KCNJ15: variants seen among roughly 807,000 people sequenced by gnomAD.
KCNJ15 encodes ATP-sensitive inward rectifier potassium channel 15.
Under a neutral mutation model 23.0 loss-of-function variants are expected in KCNJ15, and 14 were observed. The observed-to-expected ratio is 0.61, with a 90% CI of 0.40 to 0.95. The LOEUF (loss-of-function observed/expected upper bound fraction) is 0.95. Ranked by LOEUF, KCNJ15 falls within the 40% of genes least tolerant of loss-of-function variation. The pLI is 0.00. For synonymous variants in KCNJ15, 185 were observed against 183.2 expected, an observed-to-expected ratio of 1.01 and a Z score of -0.08; for missense variants, 388 against 461.8, an observed-to-expected ratio of 0.84 and a Z score of 1.46.
At chr21:38,286,218 A>G (rs1221476483) in intron 1 of KCNJ15, among the ~76,000 whole-genome samples, 1 of 152,180 alleles carries the variant, frequency 6.6e-6, no homozygotes, top group East Asian at 1.9e-4. Context: ...ACTCCAGCCC[A>G]GGTGACAGAG....
intron 1 of KCNJ15, among the ~76,000 whole-genome samples, chr21:38,276,229 C>T (rs1015981642): frequency 2.6e-5 from 4 of 151,864 alleles, no homozygotes; most frequent in African/African-American, 4.8e-5. Flanking sequence ...CTCACCTTTA[C>T]GTATTTCAAA....
At chr21:38,231,553 T>C (rs150585741) in intron 1 of KCNJ15, among the ~76,000 whole-genome samples, 2 of 152,088 alleles carry the variant, frequency 1.3e-5, no homozygotes, top group African/African-American at 4.8e-5. Flanking sequence ...CTTTCACCAT[T>C]AAGTATGATA....
chr21:38,241,396 G>T lies in KCNJ15; in HGVS notation c.-398-15650G>T, dbSNP rs141194553. Among the ~76,000 whole-genome samples, 359 of 152,296 alleles carry T rather than the reference G, an allele frequency of 2.4e-3. 2 individuals are homozygous for T. Among genetic ancestry groups the T allele is most frequent in the African/African-American group, 8.4e-3 (350 of 41,556 alleles). On this transcript the variant is annotated intron_variant, in intron 1 of 4. Transcript: ENST00000547341. Reference sequence around the variant, plus strand: ...ATATTAGAGTTCAAAACACAAGTGGGCAGGGTGAGCCCACAGTCTCTGTGA... The same window carrying T: ...ATATTAGAGTTCAAAACACAAGTGGTCAGGGTGAGCCCACAGTCTCTGTGA...
intron 1 of KCNJ15, chr21:38,238,550 T>A: frequency 1.6e-6 from 1 of 636,696 alleles, no homozygotes; most frequent in Non-Finnish European, 3.0e-6. Context: ...ACATGGTGCA[T>A]GTGCTGGGAG....
At chr21:38,273,821 A>G (rs1982352294) in intron 1 of KCNJ15, among the ~76,000 whole-genome samples, 1 of 152,250 alleles carries the variant, frequency 6.6e-6, no homozygotes, top group Non-Finnish European at 1.5e-5. Context: ...ATGCTGGAAG[A>G]AGACTTTGAG....
upstream of KCNJ15, among the ~76,000 whole-genome samples, chr21:38,252,008 TA>T (rs1271972497): frequency 1.3e-5 from 2 of 152,154 alleles, no homozygotes; most frequent in Non-Finnish European, 2.9e-5. Context: ...AGTGGGAGGC[TA>T]GAGGTTGCTT....
At chr21:38,281,719 C>A (rs77033880) in intron 1 of KCNJ15, among the ~76,000 whole-genome samples, 4,780 of 151,900 alleles carry the variant, frequency 0.031, 194 homozygotes, top group East Asian at 0.088. Context: ...GTGAATAGTG[C>A]AGAGGTGAAC....
intron 1 of KCNJ15, among the ~76,000 whole-genome samples, chr21:38,260,873 G>A (rs1433096739): frequency 6.6e-6 from 1 of 152,146 alleles, no homozygotes; most frequent in Non-Finnish European, 1.5e-5. Flanking sequence ...CAGTCTTAAT[G>A]TGCAGGGATC....
In KCNJ15 at chr21:38,300,912, T is replaced by C. The variant is rs980844864; in HGVS notation, c.*523T>C. 7 of 167,238 alleles carry C rather than the reference T, an allele frequency of 4.2e-5. No homozygotes were observed. Among genetic ancestry groups the C allele is most frequent in the African/African-American group, 7.2e-5 (3 of 41,458 alleles). The allele number at this position is 167,238 out of a possible 1,614,324, so 10.4% of individuals were successfully genotyped here. ...AATACCTAAAAAGAGGTAGAGAGAC[T>C]CTATGTTCACAAAATATAGTAATTT... On this transcript the variant is annotated 3_prime_UTR_variant, in exon 3 of 3. Coordinates refer to ENST00000398938, the MANE Select transcript of KCNJ15 (RefSeq NM_170736.3).
rs1171718120 is a variant in KCNJ15, at chr21:38,288,026, C to CTTTTTTTTTTTTTTTTTTTTT, written c.-116-8897_-116-8896insTTTTTTTTTTTTTTTTTTTTT. The stretch of plus-strand genomic sequence containing the variant: ...CCATTGTTAAATAACTTGTTTTTTT[C>CTTTTTTTTTTTTTTTTTTTTT]TTTGTTTTTTTTTTTTTTTTTTTTT... On this transcript the variant is annotated intron_variant, in intron 1 of 2. Coordinates refer to ENST00000398938, the MANE Select transcript of KCNJ15 (RefSeq NM_170736.3). 5.0e-3 allele frequency among the ~76,000 whole-genome samples: 389 copies of CTTTTTTTTTTTTTTTTTTTTT among 78,140 alleles called. 158 individuals are homozygous for CTTTTTTTTTTTTTTTTTTTTT. Among genetic ancestry groups the CTTTTTTTTTTTTTTTTTTTTT allele is most frequent in the Middle Eastern group, 0.023 (2 of 86 alleles). 51.3% of individuals were successfully genotyped at this position (78,140 alleles called of 152,430 possible).
chr21:38,251,321 A>AAGG (rs1232535432), intron 1 of KCNJ15, among the ~76,000 whole-genome samples: 2 of 152,240 alleles, frequency 1.3e-5, no homozygotes. Context: ...CATGTGGTGT[A>AAGG]AGGTTGCACC....
chr21:38,293,465 C>T (rs534403473), intron 1 of KCNJ15, among the ~76,000 whole-genome samples: 7 of 152,276 alleles, frequency 4.6e-5, no homozygotes, highest in Admixed American at 2.6e-4. Context: ...AGGACCCAGC[C>T]GAGAGGCACA....
chr21:38,288,033 T>G (rs969475257), intron 1 of KCNJ15, among the ~76,000 whole-genome samples: 3 of 70,900 alleles, frequency 4.2e-5, no homozygotes, highest in Admixed American at 1.4e-4. Context: ...TTTCTTTGTT[T>G]TTTTTTTTTT....
In KCNJ15 at chr21:38,243,432, C is replaced by T. The variant is rs571624032; in HGVS notation, c.-398-13614C>T. ...TCCAGGCAGTAAATATTTTGAGTTTCGCGGCCATACTTTTTGAGATGGAGT... is the reference window on the plus strand; with the variant it reads ...TCCAGGCAGTAAATATTTTGAGTTTTGCGGCCATACTTTTTGAGATGGAGT... On this transcript the variant is annotated intron_variant, in intron 1 of 4. Transcript: ENST00000547341. 4.8e-5 allele frequency among the ~76,000 whole-genome samples: 7 copies of T among 146,288 alleles called. No individual in the cohort carries two copies. In the South Asian group the frequency reaches 1.3e-3, roughly 28 times the overall value.
At chr21:38,232,927 G>C (rs947975021) in intron 1 of KCNJ15, among the ~76,000 whole-genome samples, 2 of 151,924 alleles carry the variant, frequency 1.3e-5, no homozygotes, top group African/African-American at 2.4e-5. Flanking sequence ...ATATTCTACT[G>C]TTTGTGGGCG....
intron 2 of KCNJ15, chr21:38,298,045 AGG>A (rs1388566239): frequency 6.6e-6 from 1 of 152,216 alleles, no homozygotes; most frequent in African/African-American, 2.4e-5. Flanking sequence ...CCTTAATAAA[AGG>A]GAAGATTTTT....
intron 1 of KCNJ15, among the ~76,000 whole-genome samples, chr21:38,234,897 G>A (rs1009863374): frequency 2.6e-5 from 4 of 152,226 alleles, no homozygotes; most frequent in Non-Finnish European, 4.4e-5. Context: ...CAACAGAGAT[G>A]TTTTGTGACT....
Position 38,299,349 on chromosome 21 carries a change from A to G in KCNJ15, c.88A>G (p.Met30Val). 2 of 1,614,190 alleles carry G rather than the reference A, an allele frequency of 1.2e-6. No individual in the cohort carries two copies. Among genetic ancestry groups the G allele is most frequent in the Non-Finnish European group, 1.7e-6 (2 of 1,180,014 alleles). ...GCTCAAGGCCAACAGACCCCGCGTC[A>G]TGTCCAAGAGTGGGCACAGCAACGT... The part of the protein sequence containing the change: ...AGLKANRPRV[M>V]SKSGHSNVRI... The change falls in exon 3 of 3, where the codon ATG becomes GTG. Residue 30 changes from methionine (M) to valine (V), a missense_variant. Transcript: ENST00000398938. This position sits in a 1 kb window ranked among gnomAD's most constrained non-coding sequence, Gnocchi z 4.5.
At chr21:38,279,618 T>C (rs996713976) in intron 1 of KCNJ15, among the ~76,000 whole-genome samples, 4 of 152,126 alleles carry the variant, frequency 2.6e-5, no homozygotes, top group African/African-American at 9.7e-5. Context: ...AGTGGTGAGC[T>C]GAGAGGTTAC....
Sources: allele counts gnomAD v4.1 joint callset (sites outside exome capture counted in the v4.1 genomes callset), GRCh38; gene constraint gnomAD v4.1.1; non-coding constraint Gnocchi (gnomAD v3.1); transcripts MANE v1.5; gene names NCBI Gene and HGNC (gene_info 2026-07-23, HGNC 2026-07-21).